The following ADCY8 variants were observed in gnomAD, a reference collection of about 807,000 sequenced individuals.
The protein encoded by ADCY8 is adenylate cyclase 8.
Under a neutral mutation model 119.7 loss-of-function variants are expected in ADCY8, and 51 were observed. The observed-to-expected ratio is 0.43, with a 90% confidence interval of 0.34 to 0.54. The LOEUF (loss-of-function observed/expected upper bound fraction) is 0.54. ADCY8 is among the 20% of genes least tolerant of loss of function. The pLI, the probability that ADCY8 is intolerant of heterozygous loss-of-function variation, is 0.03. For synonymous variants in ADCY8, 665 were observed against 651.0 expected (o/e 1.02, Z -0.33); for missense variants, 1,383 against 1,598.8 (o/e 0.87, Z 2.30).
At chr8:130,963,341 A>C (rs1821665156) in intron 2 of ADCY8, among the ~76,000 whole-genome samples, 1 of 152,162 alleles carries the variant, frequency 6.6e-6, no homozygotes, top group South Asian at 2.1e-4. Flanking sequence ...TCAATGAAGA[A>C]ATTTTCAAGG....
At chr8:130,866,872 T>C (rs903917806) in intron 9 of ADCY8, among the ~76,000 whole-genome samples, 2 of 152,166 alleles carry the variant, frequency 1.3e-5, no homozygotes, top group African/African-American at 4.8e-5. Context: ...TGTAGTACTT[T>C]CCTGGCATGT....
At chr8:130,907,037 T>C (rs1225518603) in intron 6 of ADCY8, among the ~76,000 whole-genome samples, 1 of 152,122 alleles carries the variant, frequency 6.6e-6, no homozygotes, top group Non-Finnish European at 1.5e-5. Context: ...ACCCTGGAAC[T>C]GTATTATATG....
intron 12 of ADCY8, among the ~76,000 whole-genome samples, chr8:130,826,285 GTATATATATGAGAGAAAATTGA>G (rs1261025064): frequency 6.6e-6 from 1 of 152,124 alleles, no homozygotes; most frequent in African/African-American, 2.4e-5. Flanking sequence ...ATTAAGTATT[GTATATATATGAGAGAAAATTGA>G]TATATGGCCA....
chr8:130,938,812 T>C (rs1017977259), intron 4 of ADCY8, among the ~76,000 whole-genome samples: 1 of 152,218 alleles, frequency 6.6e-6, no homozygotes, highest in Non-Finnish European at 1.5e-5. Flanking sequence ...TCTGACAGCA[T>C]GTACAGCCAT....
intron 14 of ADCY8, among the ~76,000 whole-genome samples, chr8:130,803,210 C>T (rs1207574228): frequency 4.6e-5 from 7 of 152,194 alleles, no homozygotes; most frequent in Non-Finnish European, 5.9e-5. Flanking sequence ...TCTTCCTTCC[C>T]TGCAGTTAGC....
chr8:130,799,706 C>G (rs1421665881), intron 15 of ADCY8, among the ~76,000 whole-genome samples: 2 of 152,220 alleles, frequency 1.3e-5, no homozygotes, highest in African/African-American at 2.4e-5. Flanking sequence ...AAAAGCCTGG[C>G]CCCCTGCCTC....
chr8:130,984,170 T>C (rs1822324750), intron 2 of ADCY8, among the ~76,000 whole-genome samples: 1 of 151,152 alleles, frequency 6.6e-6, no homozygotes, highest in Non-Finnish European at 1.5e-5. Flanking sequence ...GGAGACTGCA[T>C]GAGTGGGCTC....
chr8:130,795,604 T>C (rs2130090948), intron 15 of ADCY8, among the ~76,000 whole-genome samples: 1 of 152,268 alleles, frequency 6.6e-6, no homozygotes, highest in Middle Eastern at 3.4e-3. Flanking sequence ...ATCCTCCAGG[T>C]CTCATGTCAT....
chr8:130,805,377 A>G (rs1335771135), intron 14 of ADCY8, among the ~76,000 whole-genome samples: 1 of 152,234 alleles, frequency 6.6e-6, no homozygotes, highest in Non-Finnish European at 1.5e-5. Context: ...AACAGCAGTA[A>G]TAATAATAAT....
intron 8 of ADCY8, among the ~76,000 whole-genome samples, chr8:130,872,506 C>A (rs1404999655): frequency 1.3e-5 from 2 of 152,190 alleles, no homozygotes; most frequent in South Asian, 2.1e-4. Flanking sequence ...TTCAGTGATG[C>A]AATTTATGAT....
At chr8:130,967,157 T>C (rs1274179522) in intron 2 of ADCY8, among the ~76,000 whole-genome samples, 1 of 152,234 alleles carries the variant, frequency 6.6e-6, no homozygotes, top group Non-Finnish European at 1.5e-5. Flanking sequence ...CCCATAAATG[T>C]TTCTAAAAGC....
At chr8:130,789,830 G>A (rs1815368291) in intron 15 of ADCY8, among the ~76,000 whole-genome samples, 1 of 152,164 alleles carries the variant, frequency 6.6e-6, no homozygotes, top group African/African-American at 2.4e-5. Flanking sequence ...GAACTTGGTT[G>A]AGTTGCAAAA....
In ADCY8 at chr8:130,971,628, T is replaced by C. The variant is rs183494376; in HGVS notation, c.1110+18765A>G. Among the ~76,000 whole-genome samples the C allele has an allele frequency of 2.3e-3, 352 of 152,246 alleles. 2 individuals are homozygous for C. Among genetic ancestry groups the C allele is most frequent in the Non-Finnish European group, 3.8e-3 (260 of 68,020 alleles). ...GGATAACTGAGTGTGATAAATGCAG[T>C]GATGGATGGAAGGTTAAAGACAGTG... On this transcript the variant is annotated intron_variant, in intron 2 of 17. Coordinates refer to ENST00000286355, the MANE Select transcript of ADCY8 (RefSeq NM_001115.3).
In ADCY8 at chr8:130,958,048, C is replaced by T. The variant is rs140142670; in HGVS notation, c.1111-6050G>A. On this transcript the variant is annotated intron_variant, in intron 2 of 17. Coordinates refer to ENST00000286355, the MANE Select transcript of ADCY8 (RefSeq NM_001115.3). ...AGTGGAGCTGTGAGAAGAGGGCCAC[C>T]GTCCTCCAGACCCCAGAATGGTAGA... Among the ~76,000 whole-genome samples the T allele has an allele frequency of 2.0e-3, 305 of 152,210 alleles. 3 individuals carry two copies. The East Asian group carries it at 0.025, about 13-fold the overall frequency.
At chr8:130,972,805 T>C (rs1821961710) in intron 2 of ADCY8, among the ~76,000 whole-genome samples, 1 of 151,636 alleles carries the variant, frequency 6.6e-6, no homozygotes, top group African/African-American at 2.4e-5. Flanking sequence ...TAGGTTTCAG[T>C]ACATTTTCTA....
chr8:131,008,909 C>T (rs774476246), intron 1 of ADCY8, among the ~76,000 whole-genome samples: 31 of 152,124 alleles, frequency 2.0e-4, no homozygotes, highest in Non-Finnish European at 4.1e-4. Context: ...AGGAGATTGG[C>T]TGCATTTTGC....
intron 1 of ADCY8, among the ~76,000 whole-genome samples, chr8:131,000,511 T>G (rs1259417398): frequency 1.3e-5 from 2 of 152,226 alleles, no homozygotes; most frequent in East Asian, 3.9e-4. Context: ...TTGCATATTT[T>G]AATTCATTTA....
chr8:130,972,886 G>GT (rs147295295), intron 2 of ADCY8, among the ~76,000 whole-genome samples: 18,172 of 149,080 alleles, frequency 0.12, 3,576 homozygotes, highest in African/African-American at 0.41. Context: ...ATAAGCATCA[G>GT]TTTTTTTTTT....
Position 130,884,556 on chromosome 8 carries a change from A to G in ADCY8, c.2109+8T>C, listed in dbSNP as rs771117573. The G allele has an allele frequency of 6.2e-7, 1 of 1,613,550 alleles. No homozygotes were observed. Among genetic ancestry groups the G allele is most frequent in the Non-Finnish European group, 8.5e-7 (1 of 1,179,734 alleles). On this transcript the variant is annotated splice_region_variant and intron_variant, in intron 8 of 17. Transcript: ENST00000286355. ...AGAAAAAGAGCCGCTGTGGAGACCCAGCTCTACCTTGTGCTCCAGGCTGGA... is the reference window on the plus strand; with the variant it reads ...AGAAAAAGAGCCGCTGTGGAGACCCGGCTCTACCTTGTGCTCCAGGCTGGA...
Sources: allele counts gnomAD v4.1 joint callset (sites outside exome capture counted in the v4.1 genomes callset), GRCh38; gene constraint gnomAD v4.1.1; transcripts MANE v1.5; gene names NCBI Gene and HGNC (gene_info 2026-07-23, HGNC 2026-07-21).